GAS2L2: variants seen among roughly 807,000 people sequenced by gnomAD.
GAS2L2 encodes growth arrest specific 2 like 2.
GAS2L2 carries 21 observed loss-of-function variants against 35.2 expected under a neutral mutation model. The observed-to-expected ratio is 0.60, with a 90% CI of 0.42 to 0.86. The LOEUF (loss-of-function observed/expected upper bound fraction) is 0.86, where lower values mean the gene tolerates loss of function less well. Ranked by LOEUF, GAS2L2 falls within the 40% of genes least tolerant of loss-of-function variation. The pLI, the probability that GAS2L2 is intolerant of heterozygous loss-of-function variation, is 0.00. For missense variants in GAS2L2, 1,169 were observed against 1,144.4 expected (o/e 1.02, Z -0.31); for synonymous variants, 490 against 473.2 (o/e 1.04, Z -0.46).
chr17:35,749,381 G>A (rs782391709), intron 2 of GAS2L2, among the ~76,000 whole-genome samples, 164 bp from the exon 3 acceptor site: 12 of 152,212 alleles, frequency 7.9e-5, no homozygotes, highest in Non-Finnish European at 1.6e-4. Flanking sequence ...CAGCGAGAAC[G>A]AGACCTGGGT....
chr17:35,751,685 C>G (rs998100239), intron 1 of GAS2L2, among the ~76,000 whole-genome samples: 2 of 150,576 alleles, frequency 1.3e-5, no homozygotes, highest in African/African-American at 2.4e-5. Context: ...AAAAAAGACT[C>G]AGGCCAAATC....
chr17:35,746,235 A>C lies in GAS2L2; in HGVS notation c.1262T>G (p.Val421Gly). The change falls in exon 6 of 6, where the codon GTT becomes GGT. Residue 421 changes from valine (V) to glycine (G), a missense_variant. By Grantham distance (109) the Val-to-Gly change is moderately radical. Transcript: ENST00000604641. ...LPRGRIPTSW[V>G]HEETDSWGTD... is the part of the protein sequence containing the mutation. ...TCCCCAGCTGTCTGTTTCTTCATGA[A>C]CCCAAGATGTGGGAATCCTTCCCCT... is the stretch of plus-strand genomic sequence containing the variant. 6.8e-7 allele frequency: 1 copy of C among 1,467,214 alleles called. No individual in the cohort carries two copies. The highest frequency in any genetic ancestry group is 2.3e-5 in the East Asian group (1 of 42,912). 90.9% of individuals were successfully genotyped at this position (1,467,214 alleles called of 1,614,324 possible). A position where few individuals can be genotyped will look rare whatever the true frequency, so the allele number is the denominator to read the frequency against.
Position 35,745,861 on chromosome 17 carries a change from C to G in GAS2L2, c.1636G>C (p.Ala546Pro). The change falls in exon 6 of 6, where the codon GCT becomes CCT. Residue 546 changes from alanine (A) to proline (P), a missense_variant. This residue lies in a region of GAS2L2 where 1,035 missense variants were observed against 976.5 expected (regional missense o/e 1.06). Coordinates refer to ENST00000604641, the MANE Select transcript of GAS2L2 (RefSeq NM_139285.4). ...IPLRAVTVDL[A>P]GSTHGDCSVE... Reference sequence around the variant, plus strand: ...GAGCAGTCCCCATGCGTGGACCCAGCCAGGTCCACAGTGACGGCCCTTAGT... The same window carrying G: ...GAGCAGTCCCCATGCGTGGACCCAGGCAGGTCCACAGTGACGGCCCTTAGT... The G allele has an allele frequency of 6.2e-7, 1 of 1,613,780 alleles. No homozygotes were observed. The highest frequency in any genetic ancestry group is 1.3e-5 in the African/African-American group (1 of 75,068).
Position 35,744,962 on chromosome 17 carries a change from C to G in GAS2L2, c.2535G>C (p.Glu845Asp), listed in dbSNP as rs782567908. 4 of 1,613,988 alleles carry G rather than the reference C, an allele frequency of 2.5e-6. No homozygotes were observed. The South Asian group carries it at 3.3e-5, about 13-fold the overall frequency. Residue 845 changes from glutamate (E) to aspartate (D), a missense_variant, in exon 6 of 6, where the codon GAG becomes GAC. Physicochemically the swap from Glu to Asp is conservative, Grantham distance 45. Transcript: ENST00000604641. Reference protein sequence around the residue: ...VGEEEEEGKEEKEPAAPLESS... With the variant: ...VGEEEEEGKEDKEPAAPLESS... Reference sequence around the variant, plus strand: ...TCTCCAATGGAGCGGCTGGCTCTTTCTCCTCCTTTCCTTCCTCCTCCTCCT... The same window carrying G: ...TCTCCAATGGAGCGGCTGGCTCTTTGTCCTCCTTTCCTTCCTCCTCCTCCT...
At chr17:35,752,318 CTG>C (rs2085708550) in intron 1 of GAS2L2, 146 bp downstream of exon 1, 1 of 674,040 alleles carries the variant, frequency 1.5e-6, no homozygotes, top group Non-Finnish European at 2.5e-6. Context: ...GGTGGGGAAA[CTG>C]AGGCATGAAA....
At chr17:35,748,424 G>A (rs927256516) in intron 3 of GAS2L2, among the ~76,000 whole-genome samples, 2 of 152,240 alleles carry the variant, frequency 1.3e-5, no homozygotes, top group South Asian at 4.1e-4. Context: ...CAGGGCTACT[G>A]CCTCAGGTCT....
At position 35,745,332 on chromosome 17, in the gene GAS2L2, T is replaced by C. The variant is rs782574191; in HGVS notation, c.2165A>G (p.Gln722Arg). The change falls in exon 6 of 6, where the codon CAG becomes CGG. Residue 722 changes from glutamine (Q) to arginine (R), a missense_variant. Coordinates refer to ENST00000604641, the MANE Select transcript of GAS2L2 (RefSeq NM_139285.4). ...AGAAGCCGAGCAGTCCTGCCCTCCC[T>C]GAGGTGGGACCTTCCTCATGTGGGT... ...KGTHMRKVPP[Q>R]GGQDCSASTV... The C allele has an allele frequency of 6.2e-7, 1 of 1,609,680 alleles. No homozygotes were observed. Among genetic ancestry groups the C allele is most frequent in the South Asian group, 1.1e-5 (1 of 90,612 alleles).
rs1012356107 is a variant in GAS2L2, at chr17:35,746,320, G to A, written c.1177C>T (p.Arg393Ter). Residue 393 changes from arginine to a stop codon, truncating the protein, a stop_gained, in exon 6 of 6, where the codon CGA (arginine) becomes TGA (stop). Transcript: ENST00000604641. LOFTEE classifies it low-confidence loss of function (END_TRUNC). The part of the protein sequence containing the change: ...SPQSSSTQKG[R>*]DPQCTSSGKR... ...CCTGACGAGGTACACTGTGGGTCTC[G>A]GCCTTTTTGGGTAGATGAGGACTGG... 5.6e-5 allele frequency: 78 copies of A among 1,398,660 alleles called. No individual in the cohort carries two copies. Among genetic ancestry groups the A allele is most frequent in the Non-Finnish European group, 6.8e-5 (73 of 1,071,210 alleles). 86.6% of individuals were successfully genotyped at this position (1,398,660 alleles called of 1,614,324 possible). A position where few individuals can be genotyped will look rare whatever the true frequency, so the allele number is the denominator to read the frequency against.
rs1232042570 is a variant in GAS2L2 at position 35,747,046 on chromosome 17, C to T, written c.1055G>A (p.Gly352Glu). The part of the protein sequence containing the change: ...RPRRERGAGT[G>E]ASREMAPFLR... ...GAATGGTGCCATCTCTCTGGAGGCC[C>T]CCGTCCCTGCTCCCCGTTCCCTGCG... Residue 352 changes from glycine (G) to glutamate (E), a missense_variant, in exon 5 of 6, where the codon GGG becomes GAG. By Grantham distance (98) the Gly-to-Glu change is moderately conservative (BLOSUM62 -2). Coordinates refer to ENST00000604641, the MANE Select transcript of GAS2L2 (RefSeq NM_139285.4). 3 of 1,597,788 alleles carry T rather than the reference C, an allele frequency of 1.9e-6. No individual in the cohort carries two copies. Among genetic ancestry groups the T allele is most frequent in the African/African-American group, 1.3e-5 (1 of 74,524 alleles).
intron 5 of GAS2L2, 113 bp downstream of exon 5, chr17:35,746,903 T>C: frequency 9.0e-7 from 1 of 1,108,942 alleles, no homozygotes; most frequent in Non-Finnish European, 1.3e-6. Flanking sequence ...AAACCTGTGG[T>C]CTCGGGGTAG....
intron 3 of GAS2L2, 129 bp downstream of exon 3, chr17:35,748,981 A>G: frequency 1.6e-6 from 1 of 630,402 alleles, no homozygotes; most frequent in Non-Finnish European, 2.8e-6. Flanking sequence ...ACAAAGTCCC[A>G]TATTCTGGGA....
At position 35,746,035 on chromosome 17, in the gene GAS2L2, G is replaced by A. The variant is rs1045664817; in HGVS notation, c.1462C>T (p.Pro488Ser). 1.3e-6 allele frequency: 2 copies of A among 1,547,926 alleles called. No homozygotes were observed. Among genetic ancestry groups the A allele is most frequent in the South Asian group, 2.5e-5 (2 of 80,332 alleles). Reference protein sequence around the residue: ...AKGAFFQFREPESVRSPTPVQ... With the variant: ...AKGAFFQFRESESVRSPTPVQ... The stretch of plus-strand genomic sequence containing the variant: ...GGGGTTGGAGAACGGACAGACTCTG[G>A]CTCCCTGAACTGGAAGAACGCACCC... The change falls in exon 6 of 6, where the codon CCA becomes TCA. Residue 488 changes from proline (P) to serine (S), a missense_variant. Pro to Ser is a moderately conservative substitution (Grantham distance 74). Coordinates refer to ENST00000604641, the MANE Select transcript of GAS2L2 (RefSeq NM_139285.4).
At chr17:35,747,690 C>T (rs1043597802) in intron 4 of GAS2L2, among the ~76,000 whole-genome samples, 159 bp downstream of exon 4, 10 of 152,082 alleles carry the variant, frequency 6.6e-5, no homozygotes, top group African/African-American at 2.4e-4. Flanking sequence ...GTACTGTGCC[C>T]AACTACTGCC....
In GAS2L2 at chr17:35,747,051, C is replaced by T. The variant is rs587734923; in HGVS notation, c.1050G>A (p.Gly350=). ...SPRPRRERGA[G]TGASREMAPF... Reference sequence around the variant, plus strand: ...GTGCCATCTCTCTGGAGGCCCCCGTCCCTGCTCCCCGTTCCCTGCGGGGTC... The same window carrying T: ...GTGCCATCTCTCTGGAGGCCCCCGTTCCTGCTCCCCGTTCCCTGCGGGGTC... The change falls in exon 5 of 6, where the codon GGG becomes GGA. Residue 350 remains glycine (G), a synonymous_variant. Coordinates refer to ENST00000604641, the MANE Select transcript of GAS2L2 (RefSeq NM_139285.4). 1 of 1,601,666 alleles carries T rather than the reference C, an allele frequency of 6.2e-7. No homozygotes were observed. The highest frequency in any genetic ancestry group is 1.1e-5 in the South Asian group (1 of 89,512).
chr17:35,751,200 C>T (rs1436543520), intron 1 of GAS2L2, among the ~76,000 whole-genome samples: 7 of 152,138 alleles, frequency 4.6e-5, no homozygotes, highest in Non-Finnish European at 5.9e-5. Context: ...CATGATGGAG[C>T]CCCTCCCTGG....
intron 2 of GAS2L2, 135 bp downstream of exon 2, chr17:35,749,942 C>T: frequency 2.5e-6 from 2 of 791,406 alleles, no homozygotes; most frequent in Non-Finnish European, 2.0e-6. Flanking sequence ...CTTAAAGCCA[C>T]ACAGTGAATT....
In GAS2L2 at chr17:35,747,961, T is replaced by C. The variant is rs2085679967; in HGVS notation, c.736-16A>G. The C allele has an allele frequency of 1.2e-6, 2 of 1,607,294 alleles. No homozygotes were observed. Among genetic ancestry groups the C allele is most frequent in the Non-Finnish European group, 1.7e-6 (2 of 1,175,240 alleles). On this transcript the variant is annotated splice_polypyrimidine_tract_variant and intron_variant, in intron 3 of 5. Transcript: ENST00000604641. ...TCCGGAGGATCTGAGGGGGCAAGGG[T>C]GAGGTTAAGGGCGGGGTGGAGGGCA...
Position 35,747,135 on chromosome 17 carries a change from G to C in GAS2L2, c.966C>G (p.Asp322Glu). The change falls in exon 5 of 6, where the codon GAC (aspartate) becomes GAG (glutamate). Residue 322 changes from aspartate (D) to glutamate (E), a missense_variant. This residue lies in a region of GAS2L2 where 1,035 missense variants were observed against 976.5 expected (regional missense o/e 1.06). Transcript: ENST00000604641. ...SRSQSPPPPV[D>E]WKTYTSSDRR... ...GGTCTGAAGAGGTATATGTCTTCCA[G>C]TCCACAGGGGGTGGTGGGCTCTGTG... The C allele has an allele frequency of 1.2e-6, 2 of 1,613,922 alleles. No homozygotes were observed. Among genetic ancestry groups the C allele is most frequent in the African/African-American group, 2.7e-5 (2 of 75,034 alleles).
chr17:35,747,813 C>G (rs782674519), intron 4 of GAS2L2, 36 bp downstream of exon 4: 1 of 1,577,924 alleles, frequency 6.3e-7, no homozygotes, highest in Non-Finnish European at 8.7e-7. Flanking sequence ...GCCTCTTCAA[C>G]CAACCCCACA....
Sources: allele counts gnomAD v4.1 joint callset (sites outside exome capture counted in the v4.1 genomes callset), GRCh38; gene constraint gnomAD v4.1.1; regional missense constraint gnomAD v4.1.1; transcripts MANE v1.5; gene names NCBI Gene and HGNC (gene_info 2026-07-23, HGNC 2026-07-21).